Variants in SH3BP5 observed in about 807,000 individuals in gnomAD.
SH3BP5 encodes the protein SH3 domain-binding protein 5.
SH3BP5 carries 22 observed loss-of-function variants against 43.3 expected under a neutral mutation model. That is an observed-to-expected ratio of 0.51 (90% confidence interval 0.36 to 0.73). The LOEUF is 0.73. SH3BP5 is among the 30% of genes least tolerant of loss of function. The pLI is 0.00. For synonymous variants in SH3BP5, 255 were observed against 225.8 expected (o/e 1.13, Z -1.16); for missense variants, 529 against 586.9 (o/e 0.90, Z 1.02).
intron 7 of SH3BP5, chr3:15,258,448 A>C (rs1283328055): frequency 4.0e-6 from 1 of 246,966 alleles, no homozygotes; most frequent in Non-Finnish European, 7.9e-6. Context: ...AGGTGAAGAA[A>C]CTGAAATACA....
intron 6 of SH3BP5, 111 bp from the exon 7 acceptor site, chr3:15,259,161 T>C: frequency 3.5e-6 from 3 of 849,326 alleles, no homozygotes; most frequent in Non-Finnish European, 5.6e-6. Flanking sequence ...TCAAGGAATT[T>C]TCCAAGACAT....
At position 15,256,256 on chromosome 3, in the gene SH3BP5, T is replaced by C. The variant is rs1696194159; in HGVS notation, c.1198A>G (p.Asn400Asp). Residue 400 changes from asparagine to aspartate, a missense_variant, in exon 9 of 9, where the codon AAC (asparagine) becomes GAC (aspartate). Transcript: ENST00000383791. Reference protein sequence around the residue: ...AENKTSDKANNNRGLSSSSGS... With the variant: ...AENKTSDKANDNRGLSSSSGS... Reference sequence around the variant, plus strand: ...CTGCTACTGCTGAGGCCCCGGTTGTTGTTGGCTTTGTCACTTGTTTTATTC... The same window carrying C: ...CTGCTACTGCTGAGGCCCCGGTTGTCGTTGGCTTTGTCACTTGTTTTATTC... 1.9e-6 allele frequency: 3 copies of C among 1,614,234 alleles called. No homozygotes were observed. Among genetic ancestry groups the C allele is most frequent in the Non-Finnish European group, 1.7e-6 (2 of 1,180,046 alleles).
chr3:15,258,930 T>G lies in SH3BP5; in HGVS notation c.790A>C (p.Ser264Arg). 1 of 1,614,220 alleles carries G rather than the reference T, an allele frequency of 6.2e-7. No homozygotes were observed. The highest frequency in any genetic ancestry group is 2.2e-5 in the East Asian group (1 of 44,886). Residue 264 changes from serine (S) to arginine (R), a missense_variant, in exon 7 of 9, where the codon AGT becomes CGT. Around this residue, in one of 3 missense-constraint regions of SH3BP5, gnomAD observed 369 missense variants for 384.3 expected, o/e 0.96. Transcript: ENST00000383791. ...CCGCATCCCCGAGGCCCCATGGCAC[T>G]GGAGCGCCGCCGCTCGTGGATCTCA... is the stretch of plus-strand genomic sequence containing the variant. Reference protein sequence around the residue: ...SDEIHERRRSSAMGPRGCGVG... With the variant: ...SDEIHERRRSRAMGPRGCGVG...
intron 3 of SH3BP5, among the ~76,000 whole-genome samples, chr3:15,282,891 A>G (rs772066829): frequency 6.6e-6 from 1 of 152,160 alleles, no homozygotes; most frequent in Non-Finnish European, 1.5e-5. Flanking sequence ...CATGTGGTCC[A>G]CTGATTATTC....
At chr3:15,337,084 G>GTTTTTTTGT (rs1698708812), upstream of SH3BP5, among the ~76,000 whole-genome samples, 1 of 100,128 alleles carries the variant, frequency 1.0e-5, no homozygotes. Flanking sequence ...TTTTAGTTTA[G>GTTTTTTTGT]TTTTTTTTTT....
intron 5 of SH3BP5, among the ~76,000 whole-genome samples, chr3:15,261,182 A>G (rs1696423515): frequency 6.6e-6 from 1 of 152,198 alleles, no homozygotes. Context: ...CCCCTGACAC[A>G]CCAAAAACCA....
intron 2 of SH3BP5, among the ~76,000 whole-genome samples, chr3:15,324,600 C>A (rs2125138805): frequency 0.02 from 2 of 100 alleles, no homozygotes; most frequent in African/African-American, 0.077. Context: ...CCCGGTCTAT[C>A]TATGCTTCAA....
In SH3BP5 at chr3:15,258,821, C is replaced by T. The variant is rs1240444675; in HGVS notation, c.889+10G>A. 3.7e-6 allele frequency: 6 copies of T among 1,610,024 alleles called. No individual in the cohort carries two copies. The highest frequency in any genetic ancestry group is 5.1e-6 in the Non-Finnish European group (6 of 1,176,878). On this transcript the variant is annotated intron_variant, in intron 7 of 8. Transcript: ENST00000383791. ...ATCTCCCCACATACCCAGTGGAGCC[C>T]CTGACTTACCAGAAATGGCATCAGG... is the stretch of plus-strand genomic sequence containing the variant.
upstream of SH3BP5, among the ~76,000 whole-genome samples, chr3:15,335,418 T>C (rs574299717): frequency 2.0e-5 from 3 of 151,582 alleles, no homozygotes; most frequent in South Asian, 4.2e-4. Flanking sequence ...CTAATAAAAA[T>C]TGTTTTAAAT....
At chr3:15,310,919 A>G (rs1698040352) in intron 2 of SH3BP5, among the ~76,000 whole-genome samples, 1 of 152,162 alleles carries the variant, frequency 6.6e-6, no homozygotes, top group Admixed American at 6.5e-5. Context: ...CAGCACCAGT[A>G]TACAGTGGAA....
chr3:15,269,721 T>A lies in SH3BP5; in HGVS notation c.487A>T (p.Thr163Ser). 1.3e-6 allele frequency: 2 copies of A among 1,597,174 alleles called. No homozygotes were observed. Among genetic ancestry groups the A allele is most frequent in the Non-Finnish European group, 1.7e-6 (2 of 1,170,084 alleles). The change falls in exon 4 of 9, where the codon ACT becomes TCT. Residue 163 changes from threonine to serine, a missense_variant. Coordinates refer to ENST00000383791, the MANE Select transcript of SH3BP5 (RefSeq NM_004844.5). ...SAWQEMLNHA[T>S]QRVMEAEQTK... ...CCGGCCATGACTCATACCCTCTGAGTGGCGTGATTCAGCATCTCCTGCCAG... is the reference window on the plus strand; with the variant it reads ...CCGGCCATGACTCATACCCTCTGAGAGGCGTGATTCAGCATCTCCTGCCAG...
chr3:15,283,345 C>T (rs1015346914), intron 3 of SH3BP5, among the ~76,000 whole-genome samples: 13 of 152,136 alleles, frequency 8.5e-5, no homozygotes, highest in African/African-American at 2.9e-4. Flanking sequence ...TGCAGTAAGC[C>T]GAGATTGCAC....
chr3:15,318,797 C>T (rs1036721324), intron 2 of SH3BP5, among the ~76,000 whole-genome samples: 2 of 152,212 alleles, frequency 1.3e-5, no homozygotes, highest in South Asian at 2.1e-4. Flanking sequence ...GTCCCAAATT[C>T]GTAGCCTCAA....
At chr3:15,273,163 T>A (rs1696866178) in intron 3 of SH3BP5, 5 of 985,274 alleles carry the variant, frequency 5.1e-6, no homozygotes, top group Non-Finnish European at 6.0e-6. Context: ...TCCCACAGGA[T>A]CCTAAAATGG....
chr3:15,256,333 A>G, intron 8 of SH3BP5, 30 bp from the exon 9 acceptor site: 1 of 1,596,808 alleles, frequency 6.3e-7, no homozygotes, highest in South Asian at 1.1e-5. Context: ...ATCAAAAGTG[A>G]GTATTGACAA....
At chr3:15,259,994 G>A (rs1055052238) in intron 5 of SH3BP5, 191 bp from the exon 6 acceptor site, 7 of 617,740 alleles carry the variant, frequency 1.1e-5, no homozygotes, top group African/African-American at 7.4e-5. Context: ...CAGATGGAAC[G>A]ACTGGGCTCA....
At chr3:15,263,046 A>C (rs554696843) in intron 4 of SH3BP5, among the ~76,000 whole-genome samples, 7 of 152,210 alleles carry the variant, frequency 4.6e-5, no homozygotes, top group Non-Finnish European at 1.0e-4. Context: ...ACTTCCCAAC[A>C]GTGGTTTTCT....
chr3:15,339,670 A>G (rs1698740375), intron 1 of SH3BP5: 1 of 152,190 alleles, frequency 6.6e-6, no homozygotes, highest in Non-Finnish European at 1.5e-5. Flanking sequence ...AGACGGCGCC[A>G]CTGCACTCCA....
chr3:15,257,452 A>C, intron 7 of SH3BP5: 2 of 232,484 alleles, frequency 8.6e-6, no homozygotes, highest in Non-Finnish European at 8.5e-6. Flanking sequence ...CCCCAAATAC[A>C]TCCTCATGTG....
Sources: gnomAD v4.1 joint callset for allele counts (sites outside exome capture counted in the v4.1 genomes callset) on GRCh38, gnomAD v4.1.1 for gene constraint, gnomAD v4.1.1 regional missense constraint, MANE v1.5 for transcripts, NCBI Gene and HGNC (gene_info 2026-07-23, HGNC 2026-07-21) for gene names.